Variants in KCNB2 observed in about 807,000 individuals in gnomAD.
KCNB2 encodes the protein potassium voltage-gated channel subfamily B member 2, also known as delayed rectifier potassium channel protein.
Under a neutral mutation model 61.5 loss-of-function variants are expected in KCNB2, and 15 were observed. The ratio of observed to expected loss-of-function variants is 0.24; its 90% CI spans 0.16 to 0.38. The LOEUF is 0.38. KCNB2 is among the 10% of genes least tolerant of loss of function. The pLI is 1.00. For missense variants in KCNB2, 828 were observed against 1,125.2 expected (o/e 0.74, Z 3.78); for synonymous variants, 457 against 446.0 (o/e 1.02, Z -0.31).
At chr8:72,930,259 T>A (rs1806751327) in intron 2 of KCNB2, among the ~76,000 whole-genome samples, 2 of 151,830 alleles carry the variant, frequency 1.3e-5, no homozygotes, top group Admixed American at 6.6e-5. Flanking sequence ...ACAATAAACA[T>A]ACGTGTGCAT....
At chr8:72,688,082 G>A (rs1004071975) in intron 2 of KCNB2, among the ~76,000 whole-genome samples, 1 of 152,160 alleles carries the variant, frequency 6.6e-6, no homozygotes, top group Non-Finnish European at 1.5e-5. Flanking sequence ...GCAGGGCCCT[G>A]AGCGTTCACT....
intron 2 of KCNB2, among the ~76,000 whole-genome samples, chr8:72,663,141 A>G (rs151106548): frequency 8.1e-4 from 123 of 152,212 alleles, no homozygotes; most frequent in Non-Finnish European, 1.4e-3. Flanking sequence ...AGGTGCTTAT[A>G]TTTTTAGTTC....
intron 2 of KCNB2, among the ~76,000 whole-genome samples, chr8:72,743,568 A>G (rs902489180): frequency 7.1e-4 from 108 of 152,350 alleles, no homozygotes; most frequent in African/African-American, 2.4e-3. Flanking sequence ...ACAAATTCCA[A>G]TCCAAGAATA....
intron 2 of KCNB2, among the ~76,000 whole-genome samples, chr8:72,587,885 A>C (rs1236012894): frequency 6.6e-6 from 1 of 152,224 alleles, no homozygotes; most frequent in Non-Finnish European, 1.5e-5. Flanking sequence ...ATAATTGGGC[A>C]TGTGTCCATG....
At chr8:72,696,262 T>C (rs1230654166) in intron 2 of KCNB2, among the ~76,000 whole-genome samples, 1 of 152,164 alleles carries the variant, frequency 6.6e-6, no homozygotes, top group Non-Finnish European at 1.5e-5. Context: ...AAGTTTATAA[T>C]CTAGCTGGGA....
intron 2 of KCNB2, among the ~76,000 whole-genome samples, chr8:72,929,707 C>A (rs762910191): frequency 6.6e-6 from 1 of 152,152 alleles, no homozygotes; most frequent in African/African-American, 2.4e-5. Flanking sequence ...ATGACCTAAT[C>A]CAAATTTCCG....
At chr8:72,916,954 G>A (rs574335653) in intron 2 of KCNB2, among the ~76,000 whole-genome samples, 6 of 152,248 alleles carry the variant, frequency 3.9e-5, no homozygotes, top group Non-Finnish European at 7.4e-5. Context: ...ATGGGAGATG[G>A]GGCAGACCAT....
At chr8:72,812,293 G>A (rs1421138411) in intron 2 of KCNB2, among the ~76,000 whole-genome samples, 1 of 151,698 alleles carries the variant, frequency 6.6e-6, no homozygotes, top group Admixed American at 6.6e-5. Context: ...AGAAAGAAAA[G>A]TGAAGCAGAG....
intron 2 of KCNB2, among the ~76,000 whole-genome samples, chr8:72,591,604 C>T (rs1807101152): frequency 6.6e-6 from 1 of 152,046 alleles, no homozygotes; most frequent in Non-Finnish European, 1.5e-5. Context: ...TGGATCCATT[C>T]CTTATTCTCC....
At chr8:72,666,259 C>G (rs1383086993) in intron 2 of KCNB2, among the ~76,000 whole-genome samples, 2 of 152,168 alleles carry the variant, frequency 1.3e-5, no homozygotes, top group Non-Finnish European at 1.5e-5. Context: ...GAAGTACACA[C>G]CTGATACCAT....
intron 2 of KCNB2, among the ~76,000 whole-genome samples, chr8:72,636,365 T>C (rs1280798673): frequency 1.3e-5 from 2 of 152,192 alleles, no homozygotes; most frequent in Non-Finnish European, 2.9e-5. Flanking sequence ...GCAAGCAAAC[T>C]AGATTTTTAT....
intron 2 of KCNB2, among the ~76,000 whole-genome samples, chr8:72,577,092 G>T (rs1330716319): frequency 6.6e-6 from 1 of 152,168 alleles, no homozygotes; most frequent in African/African-American, 2.4e-5. Flanking sequence ...TAAAATGAAT[G>T]TATTTTTCCA....
chr8:72,753,483 T>A (rs1436938057), intron 2 of KCNB2, among the ~76,000 whole-genome samples: 1 of 152,200 alleles, frequency 6.6e-6, no homozygotes, highest in Non-Finnish European at 1.5e-5. Context: ...AAAAAGTAGT[T>A]GCAGTTGGGT....
intron 2 of KCNB2, among the ~76,000 whole-genome samples, chr8:72,634,525 AG>A (rs1242660241): frequency 3.3e-5 from 5 of 152,184 alleles, no homozygotes; most frequent in African/African-American, 1.2e-4. Context: ...TTCTTCCCAA[AG>A]GGTTATTTTT....
chr8:72,660,294 C>G (rs1014323949), intron 2 of KCNB2, among the ~76,000 whole-genome samples: 1 of 152,104 alleles, frequency 6.6e-6, no homozygotes, highest in Non-Finnish European at 1.5e-5. Flanking sequence ...CATGGAGCCC[C>G]GGGAAGTGCT....
chr8:72,925,997 A>G (rs945612607), intron 2 of KCNB2, among the ~76,000 whole-genome samples: 1 of 152,212 alleles, frequency 6.6e-6, no homozygotes, highest in Non-Finnish European at 1.5e-5. Context: ...ACTTAGGAAC[A>G]AAAAAACAAA....
At chr8:72,667,933 C>G (rs929752934) in intron 2 of KCNB2, among the ~76,000 whole-genome samples, 2 of 152,244 alleles carry the variant, frequency 1.3e-5, no homozygotes, top group African/African-American at 4.8e-5. Context: ...CCTGCTCTCA[C>G]TGACTGTGTT....
At position 72,569,692 on chromosome 8, in the gene KCNB2, A is replaced by G. The variant is rs1191848967; in HGVS notation, c.579+1379A>G. On this transcript the variant is annotated intron_variant, in intron 2 of 2. Transcript: ENST00000523207. The stretch of plus-strand genomic sequence containing the variant: ...TTGAGAAAGGCTACTGCTCTTTCCA[A>G]TATCAAGTGTTTAGGTACATACTCG... 3.3e-5 allele frequency among the ~76,000 whole-genome samples: 5 copies of G among 152,282 alleles called. No homozygotes were observed. The East Asian group carries it at 5.8e-4, about 18-fold the overall frequency.
intron 2 of KCNB2, among the ~76,000 whole-genome samples, chr8:72,899,591 G>C (rs955921445): frequency 1.3e-4 from 20 of 152,080 alleles, no homozygotes. Flanking sequence ...AAACATTCAA[G>C]CTGAGAGTCA....
Sources: gnomAD v4.1 joint callset for allele counts (sites outside exome capture counted in the v4.1 genomes callset) on GRCh38, gnomAD v4.1.1 for gene constraint, MANE v1.5 for transcripts, NCBI Gene and HGNC (gene_info 2026-07-23, HGNC 2026-07-21) for gene names.